Variants in PRKG1 observed in about 807,000 individuals in gnomAD.
PRKG1 encodes protein kinase cGMP-dependent 1.
PRKG1 carries 35 observed loss-of-function variants against 88.1 expected under a neutral mutation model. That is an observed-to-expected ratio of 0.40 (90% CI 0.30 to 0.53). PRKG1 has a LOEUF of 0.53. PRKG1 is among the 20% of genes least tolerant of loss of function. The pLI is 0.59. For missense variants in PRKG1, 540 were observed against 839.8 expected, an observed-to-expected ratio of 0.64 and a Z score of 4.41; for synonymous variants, 303 against 292.5, an observed-to-expected ratio of 1.04 and a Z score of -0.37.
chr10:51,751,519 C>T (rs1244446723), intron 3 of PRKG1, among the ~76,000 whole-genome samples: 1 of 152,144 alleles, frequency 6.6e-6, no homozygotes, highest in Non-Finnish European at 1.5e-5. Context: ...TGAGCCATTG[C>T]ACCTGATGGG....
chr10:51,375,212 A>C (rs1041749307), intron 2 of PRKG1, among the ~76,000 whole-genome samples: 1 of 152,154 alleles, frequency 6.6e-6, no homozygotes, highest in African/African-American at 2.4e-5. Context: ...TAGAAAGATT[A>C]TTTAACTTGT....
intron 3 of PRKG1, among the ~76,000 whole-genome samples, chr10:51,566,760 T>C (rs962089458): frequency 6.6e-6 from 1 of 152,018 alleles, no homozygotes; most frequent in South Asian, 2.1e-4. Context: ...AGGTATTCCA[T>C]ATCTGTAAAC....
At chr10:51,326,467 G>T (rs918789009) in intron 2 of PRKG1, among the ~76,000 whole-genome samples, 45 of 152,178 alleles carry the variant, frequency 3.0e-4, no homozygotes, top group African/African-American at 9.2e-4. Flanking sequence ...GGGACATAAT[G>T]ACATCAATTC....
chr10:51,307,430 G>A (rs1336714315), intron 2 of PRKG1, among the ~76,000 whole-genome samples: 4 of 152,086 alleles, frequency 2.6e-5, no homozygotes, highest in African/African-American at 7.2e-5. Flanking sequence ...TTTCCAGAAC[G>A]TTTGCTACTA....
chr10:51,309,400 C>G (rs1841122483), intron 2 of PRKG1, among the ~76,000 whole-genome samples: 1 of 151,994 alleles, frequency 6.6e-6, no homozygotes, highest in South Asian at 2.1e-4. Context: ...ACAGCAAAAA[C>G]AACAAAAATA....
chr10:51,164,867 G>A (rs962186716), intron 2 of PRKG1, among the ~76,000 whole-genome samples: 29 of 152,192 alleles, frequency 1.9e-4, no homozygotes, highest in East Asian at 1.7e-3. Context: ...AAAAAGAAAC[G>A]AACAAAGCCT....
chr10:52,088,556 T>G (rs1182340547), intron 7 of PRKG1, among the ~76,000 whole-genome samples: 1 of 152,154 alleles, frequency 6.6e-6, no homozygotes, highest in Non-Finnish European at 1.5e-5. Flanking sequence ...TCTCCTGTGC[T>G]GTGTGTGAAC....
At chr10:51,136,730 G>A (rs1403312182) in intron 1 of PRKG1, among the ~76,000 whole-genome samples, 1 of 151,922 alleles carries the variant, frequency 6.6e-6, no homozygotes, top group East Asian at 1.9e-4. Context: ...GTTATAATTG[G>A]AAGGTTTCTT....
At chr10:51,287,959 G>A (rs888068194) in intron 2 of PRKG1, among the ~76,000 whole-genome samples, 5 of 152,100 alleles carry the variant, frequency 3.3e-5, no homozygotes, top group Non-Finnish European at 7.4e-5. Flanking sequence ...AAGAAATGCA[G>A]TATGCCATAA....
At chr10:51,859,686 C>T (rs1377843000) in intron 4 of PRKG1, among the ~76,000 whole-genome samples, 1 of 152,112 alleles carries the variant, frequency 6.6e-6, no homozygotes, top group Non-Finnish European at 1.5e-5. Flanking sequence ...ACCCTACTCC[C>T]CAATCCCTTT....
chr10:51,155,807 C>T (rs778954940), intron 2 of PRKG1, among the ~76,000 whole-genome samples: 1 of 151,908 alleles, frequency 6.6e-6, no homozygotes, highest in Non-Finnish European at 1.5e-5. Context: ...ATTTGACTGA[C>T]TGGATGAGGC....
intron 2 of PRKG1, among the ~76,000 whole-genome samples, chr10:51,274,243 TA>T (rs1314664721): frequency 3.9e-5 from 6 of 152,198 alleles, no homozygotes; most frequent in African/African-American, 1.4e-4. Flanking sequence ...CTTTCAATGA[TA>T]AAACACTATG....
intron 5 of PRKG1, among the ~76,000 whole-genome samples, chr10:52,052,647 A>G (rs1846018026): frequency 6.6e-6 from 1 of 152,110 alleles, no homozygotes; most frequent in Non-Finnish European, 1.5e-5. Flanking sequence ...ACATGGTGGC[A>G]GACAAGACAC....
At chr10:51,558,660 T>C (rs1362105696) in intron 3 of PRKG1, among the ~76,000 whole-genome samples, 1 of 152,090 alleles carries the variant, frequency 6.6e-6, no homozygotes, top group Non-Finnish European at 1.5e-5. Context: ...ATAAGAATGG[T>C]TTCATGATAC....
chr10:51,847,555 A>G (rs557918340), intron 4 of PRKG1, among the ~76,000 whole-genome samples: 3 of 152,018 alleles, frequency 2.0e-5, no homozygotes, highest in African/African-American at 7.2e-5. Context: ...TTTATTATAT[A>G]TAAAGCATAT....
In PRKG1 at chr10:51,659,945, A is replaced by G. The variant is rs115100990; in HGVS notation, c.593-144640A>G. 4.7e-3 allele frequency among the ~76,000 whole-genome samples: 719 copies of G among 151,938 alleles called. 7 individuals carry two copies. The highest frequency in any genetic ancestry group is 0.016 in the African/African-American group (674 of 41,460). ...CAAAAATAAGCAGTATTTCGACCCC[A>G]CTCTAGACCTACTGAATCAGAATAT... On this transcript the variant is annotated intron_variant, in intron 3 of 17. Coordinates refer to ENST00000373980, the MANE Select transcript of PRKG1 (RefSeq NM_006258.4).
intron 3 of PRKG1, among the ~76,000 whole-genome samples, chr10:51,653,792 T>A (rs1435321116): frequency 1.3e-5 from 2 of 152,166 alleles, no homozygotes; most frequent in African/African-American, 4.8e-5. Flanking sequence ...GGTCTGGAAC[T>A]CCTGGCCTCA....
At chr10:52,223,563 T>G (rs933369629) in intron 9 of PRKG1, among the ~76,000 whole-genome samples, 3 of 152,158 alleles carry the variant, frequency 2.0e-5, no homozygotes, top group African/African-American at 4.8e-5. Context: ...TCATCCTTGG[T>G]GATCTTCAGG....
chr10:51,184,317 A>C (rs1444078010), intron 2 of PRKG1, among the ~76,000 whole-genome samples: 1 of 152,230 alleles, frequency 6.6e-6, no homozygotes, highest in Non-Finnish European at 1.5e-5. Flanking sequence ...TTCATGGAGA[A>C]TGCTACATAT....
Sources: allele counts gnomAD v4.1 joint callset (sites outside exome capture counted in the v4.1 genomes callset), GRCh38; gene constraint gnomAD v4.1.1; transcripts MANE v1.5; gene names NCBI Gene and HGNC (gene_info 2026-07-23, HGNC 2026-07-21).